The following ARL14EP variants were observed in gnomAD, a reference collection of about 807,000 sequenced individuals.
ARL14EP encodes the protein ARL14 effector protein.
In ARL14EP, 12 loss-of-function variants were observed where a neutral mutation model predicts 23.1. That is an observed-to-expected ratio of 0.52 (90% CI 0.33 to 0.84). ARL14EP has a LOEUF of 0.84. Among genes scored for constraint, ARL14EP ranks in the 40% least tolerant of loss-of-function variants. The pLI is 0.02. For synonymous variants in ARL14EP, 97 were observed against 102.0 expected (o/e 0.95, Z 0.29); for missense variants, 253 against 307.3 (o/e 0.82, Z 1.32).
At position 30,338,195 on chromosome 11, in the gene ARL14EP, C is replaced by T. The variant is rs932799716; in HGVS notation, c.*1400C>T. ...CTGAAATATATTTCTCTTCTCCCCA[C>T]TTATTCAAATAAAAAAGTTTTAATA... On this transcript the variant is annotated 3_prime_UTR_variant, in exon 4 of 4. Transcript: ENST00000282032. 8 of 152,206 alleles carry T rather than the reference C, an allele frequency of 5.3e-5. No homozygotes were observed. Among genetic ancestry groups the T allele is most frequent in the Non-Finnish European group, 7.3e-5 (5 of 68,042 alleles). The allele number at this position is 152,206 out of a possible 1,614,324, so 9.4% of individuals were successfully genotyped here. A position where few individuals can be genotyped will look rare whatever the true frequency, so the allele number is the denominator to read the frequency against.
At chr11:30,324,552 G>T (rs1380947570) in intron 1 of ARL14EP, among the ~76,000 whole-genome samples, 3 of 149,794 alleles carry the variant, frequency 2.0e-5, no homozygotes, top group African/African-American at 4.9e-5. Context: ...TGTTAGTGGT[G>T]GGGGGGGTGT....
intron 2 of ARL14EP, among the ~76,000 whole-genome samples, chr11:30,332,542 G>T (rs961900192): frequency 1.3e-5 from 2 of 152,080 alleles, no homozygotes; most frequent in Non-Finnish European, 2.9e-5. Context: ...TGTGCCACTG[G>T]ATTATATAGC....
chr11:30,325,401 C>T lies in ARL14EP; in HGVS notation c.-64+2199C>T, dbSNP rs549795426. Among the ~76,000 whole-genome samples, 184 of 152,168 alleles carry T rather than the reference C, an allele frequency of 1.2e-3. 1 individual carries two copies. The highest frequency in any genetic ancestry group is 4.3e-3 in the African/African-American group (177 of 41,506). ...TGGTCATAGGTAAACAAGGGGGGAT[C>T]CTTGAGTCTTACCTAACTCAAGGGT... On this transcript the variant is annotated intron_variant, in intron 1 of 3. Transcript: ENST00000282032.
At chr11:30,326,477 A>C (rs957595399) in intron 1 of ARL14EP, among the ~76,000 whole-genome samples, 4 of 152,236 alleles carry the variant, frequency 2.6e-5, no homozygotes, top group Non-Finnish European at 5.9e-5. Flanking sequence ...CTGTCATTTG[A>C]AGAAAACAAA....
At chr11:30,332,062 C>A (rs1438159633) in intron 2 of ARL14EP, among the ~76,000 whole-genome samples, 1 of 151,956 alleles carries the variant, frequency 6.6e-6, no homozygotes, top group Admixed American at 6.6e-5. Context: ...CTTAAGTTTT[C>A]ATAAAGCTAT....
At chr11:30,331,447 C>A in intron 2 of ARL14EP, 73 bp downstream of exon 2, 2 of 1,597,672 alleles carry the variant, frequency 1.3e-6, no homozygotes, top group South Asian at 2.3e-5. Flanking sequence ...ATAAGAAAAT[C>A]ATATTTACAT....
chr11:30,329,539 A>T (rs1947266136), intron 1 of ARL14EP: 1 of 152,238 alleles, frequency 6.6e-6, no homozygotes, highest in Non-Finnish European at 1.5e-5. Context: ...AAGCAGTTGC[A>T]GCAATTTACA....
intron 1 of ARL14EP, chr11:30,328,743 C>G (rs923533547): frequency 6.6e-6 from 1 of 151,718 alleles, no homozygotes; most frequent in Non-Finnish European, 1.5e-5. Flanking sequence ...TTGTTTTTCT[C>G]TGCAGAAACC....
At chr11:30,334,624 A>T (rs1487816750) in intron 3 of ARL14EP, among the ~76,000 whole-genome samples, 1 of 152,162 alleles carries the variant, frequency 6.6e-6, no homozygotes, top group East Asian at 1.9e-4. Context: ...GGTAGGGACG[A>T]ATGCAGCTGG....
chr11:30,334,208 C>CTTTTTT lies in ARL14EP; in HGVS notation c.554+1235_554+1240dup, dbSNP rs36111177. On this transcript the variant is annotated intron_variant, in intron 3 of 3. Transcript: ENST00000282032. ...CAGATTTTCAATGTAGACCAGCCTT[C>CTTTTTT]TTTTTTTTTTTTTTTTTTTTTTTTT... is the stretch of plus-strand genomic sequence containing the variant. Among the ~76,000 whole-genome samples, 105 of 86,020 alleles carry CTTTTTT rather than the reference C, an allele frequency of 1.2e-3. 2 individuals are homozygous for CTTTTTT. The highest frequency in any genetic ancestry group is 2.9e-3 in the East Asian group (4 of 1,362). The allele number at this position is 86,020 out of a possible 152,430, so 56.4% of individuals were successfully genotyped here.
chr11:30,335,106 C>T (rs1947321242), intron 3 of ARL14EP, among the ~76,000 whole-genome samples: 1 of 152,164 alleles, frequency 6.6e-6, no homozygotes, highest in African/African-American at 2.4e-5. Flanking sequence ...TTCGAGTCCT[C>T]ATGGATGACT....
At chr11:30,331,991 A>G (rs1221831787) in intron 2 of ARL14EP, among the ~76,000 whole-genome samples, 1 of 152,086 alleles carries the variant, frequency 6.6e-6, no homozygotes, top group Non-Finnish European at 1.5e-5. Flanking sequence ...GTAAAGTATT[A>G]AATATTTTAC....
chr11:30,336,298 TTAAAG>T (rs912442420), intron 3 of ARL14EP, among the ~76,000 whole-genome samples: 4 of 152,280 alleles, frequency 2.6e-5, no homozygotes, highest in African/African-American at 9.6e-5. Context: ...TTTTGTTTGT[TTAAAG>T]TAAAGGGAAA....
chr11:30,328,809 A>G (rs1947261850), intron 1 of ARL14EP: 1 of 151,750 alleles, frequency 6.6e-6, no homozygotes, highest in South Asian at 2.1e-4. Flanking sequence ...TTAATTTTGC[A>G]AAGCTTAAAA....
chr11:30,332,702 C>T (rs989942266), intron 2 of ARL14EP, among the ~76,000 whole-genome samples, 164 bp from the exon 3 acceptor site: 1 of 152,134 alleles, frequency 6.6e-6, no homozygotes, highest in South Asian at 2.1e-4. Context: ...TGGTCTAGGG[C>T]CATGTAAATT....
chr11:30,337,060 C>T lies in ARL14EP; in HGVS notation c.*265C>T. On this transcript the variant is annotated 3_prime_UTR_variant, in exon 4 of 4. Transcript: ENST00000282032. ...CCTCTATTTGCATGTTTCCCATGGG[C>T]ACAAATTTCAGTGACCTAGATTTAG... The T allele has an allele frequency of 2.5e-6, 1 of 407,656 alleles. No individual in the cohort carries two copies. Among genetic ancestry groups the T allele is most frequent in the East Asian group, 4.8e-5 (1 of 20,708 alleles). 25.3% of individuals were successfully genotyped at this position (407,656 alleles called of 1,614,324 possible). A position where few individuals can be genotyped will look rare whatever the true frequency, so the allele number is the denominator to read the frequency against.
chr11:30,323,688 T>C (rs1342997025), intron 1 of ARL14EP, among the ~76,000 whole-genome samples: 1 of 152,190 alleles, frequency 6.6e-6, no homozygotes, highest in Non-Finnish European at 1.5e-5. Flanking sequence ...GTGGTTTTAG[T>C]CATTTGTAAA....
At chr11:30,334,545 G>A (rs10767839) in intron 3 of ARL14EP, among the ~76,000 whole-genome samples, 72,735 of 151,878 alleles carry the variant, frequency 0.48, 17,637 homozygotes, top group East Asian at 0.64. Context: ...AGAAGATGCC[G>A]TCTTTCATAG....
At chr11:30,333,637 G>A (rs1222465754) in intron 3 of ARL14EP, among the ~76,000 whole-genome samples, 1 of 152,004 alleles carries the variant, frequency 6.6e-6, no homozygotes, top group African/African-American at 2.4e-5. Flanking sequence ...CTCTCCTCAG[G>A]TGTCCCTATT....
Sources: allele counts gnomAD v4.1 joint callset (sites outside exome capture counted in the v4.1 genomes callset), GRCh38; gene constraint gnomAD v4.1.1; transcripts MANE v1.5; gene names NCBI Gene and HGNC (gene_info 2026-07-23, HGNC 2026-07-21).